JAKMIP2: variants seen among roughly 807,000 people sequenced by gnomAD.
JAKMIP2 encodes the protein janus kinase and microtubule-interacting protein 2.
In JAKMIP2, 25 loss-of-function variants were observed where a neutral mutation model predicts 115.0. The observed-to-expected ratio is 0.22, with a 90% CI of 0.16 to 0.30. The LOEUF (loss-of-function observed/expected upper bound fraction) is 0.30, where lower values mean the gene tolerates loss of function less well. Among genes scored for constraint, JAKMIP2 ranks in the 10% least tolerant of loss-of-function variants. The probability of loss-of-function intolerance (pLI) is 1.00; values close to 1 mark genes in which losing one functional copy is unlikely to be tolerated. For synonymous variants in JAKMIP2, 334 were observed against 343.6 expected, an observed-to-expected ratio of 0.97 and a Z score of 0.31; for missense variants, 642 against 957.6, an observed-to-expected ratio of 0.67 and a Z score of 4.35.
rs142779227 is a variant in JAKMIP2 at position 147,650,914 on chromosome 5, C to T, written c.628-367G>A. ...TATTCCACTCTAATGTTTCCTAGGA[C>T]ATTTTTTGATGTCACTTCTTCTTTG... is the stretch of plus-strand genomic sequence containing the variant. On this transcript the variant is annotated intron_variant, in intron 3 of 21. Coordinates refer to ENST00000616793, the MANE Select transcript of JAKMIP2 (RefSeq NM_001270941.2). 5.7e-3 allele frequency among the ~76,000 whole-genome samples: 867 copies of T among 152,264 alleles called. 2 individuals are homozygous for T. Among genetic ancestry groups the T allele is most frequent in the Middle Eastern group, 0.014 (4 of 294 alleles).
At chr5:147,628,921 T>A in intron 15 of JAKMIP2, 105 bp from the exon 16 acceptor site, 2 of 706,674 alleles carry the variant, frequency 2.8e-6, no homozygotes, top group Non-Finnish European at 4.7e-6. Flanking sequence ...TAAGCCTGTA[T>A]AGAAACTTAA....
At chr5:147,601,958 C>A (rs1423533057) in intron 20 of JAKMIP2, 147 bp from the exon 21 acceptor site, 2 of 474,818 alleles carry the variant, frequency 4.2e-6, no homozygotes, top group East Asian at 3.4e-5. Context: ...AAAATCCACA[C>A]CTTTTATGTA....
chr5:147,619,272 A>G (rs1756736753), intron 18 of JAKMIP2, among the ~76,000 whole-genome samples: 1 of 151,844 alleles, frequency 6.6e-6, no homozygotes, highest in Non-Finnish European at 1.5e-5. Flanking sequence ...TAGTCTCGGG[A>G]CCCACATAAA....
At chr5:147,656,963 C>A (rs1017344199) in intron 3 of JAKMIP2, among the ~76,000 whole-genome samples, 5 of 152,196 alleles carry the variant, frequency 3.3e-5, no homozygotes, top group Admixed American at 3.3e-4. Flanking sequence ...ATATGAAATT[C>A]TGGGTTGAAA....
intron 3 of JAKMIP2, among the ~76,000 whole-genome samples, chr5:147,655,010 G>A (rs1414834893): frequency 6.6e-6 from 1 of 152,162 alleles, no homozygotes; most frequent in Admixed American, 6.5e-5. Flanking sequence ...TACATTTATT[G>A]ATTTGCATAC....
chr5:147,589,439 T>G lies in JAKMIP2; in HGVS notation c.*2268A>C, dbSNP rs1364004297. 2.9e-4 allele frequency: 23 copies of G among 79,212 alleles called. No individual in the cohort carries two copies. Among genetic ancestry groups the G allele is most frequent in the Non-Finnish European group, 5.2e-4 (20 of 38,600 alleles). 4.9% of individuals were successfully genotyped at this position (79,212 alleles called of 1,614,324 possible). ...TCCAGCATGGGCAACAGAGCAAGAC[T>G]CCATCTCAAAAAAAAAAAAAAAAAA... On this transcript the variant is annotated 3_prime_UTR_variant, in exon 22 of 22. Transcript: ENST00000616793.
intron 1 of JAKMIP2, among the ~76,000 whole-genome samples, chr5:147,690,184 C>CACAA (rs983645269): frequency 2.2e-4 from 34 of 151,850 alleles, no homozygotes; most frequent in Middle Eastern, 3.4e-3. Flanking sequence ...ACCCTGTTTC[C>CACAA]ACAAACAAAC....
Position 147,620,899 on chromosome 5 carries a change from T to C in JAKMIP2, c.2065-156A>G, listed in dbSNP as rs1756817756. Among the ~76,000 whole-genome samples, 6 of 150,374 alleles carry C rather than the reference T, an allele frequency of 4.0e-5. No individual in the cohort carries two copies. The South Asian group carries it at 1.2e-3, about 31-fold the overall frequency. On this transcript the variant is annotated intron_variant, in intron 17 of 21. Transcript: ENST00000616793. Reference sequence around the variant, plus strand: ...GTCTGTTAGGGAAATAGTTCAACTCTCATAGTCTCACACAGGAATGTGAAA... The same window carrying C: ...GTCTGTTAGGGAAATAGTTCAACTCCCATAGTCTCACACAGGAATGTGAAA...
rs1386462359 is a variant in JAKMIP2, at chr5:147,733,955, A to T, written c.-149+48501T>A. Reference sequence around the variant, plus strand: ...TGCAGGTGTCTTTATAGTAAGAATGATTTATAATCCTTTGGGTATATACTC... The same window carrying T: ...TGCAGGTGTCTTTATAGTAAGAATGTTTTATAATCCTTTGGGTATATACTC... On this transcript the variant is annotated intron_variant, in intron 1 of 21. Coordinates refer to ENST00000616793, the MANE Select transcript of JAKMIP2 (RefSeq NM_001270941.2). 2.0e-5 allele frequency among the ~76,000 whole-genome samples: 3 copies of T among 152,140 alleles called. No individual in the cohort carries two copies. The East Asian group carries it at 5.8e-4, about 29-fold the overall frequency.
At chr5:147,596,249 T>C (rs1284808956) in intron 21 of JAKMIP2, among the ~76,000 whole-genome samples, 1 of 152,018 alleles carries the variant, frequency 6.6e-6, no homozygotes, top group African/African-American at 2.4e-5. Flanking sequence ...AGGAACTTGA[T>C]CCTAACACAG....
At chr5:147,615,240 A>G (rs1756510534) in intron 19 of JAKMIP2, among the ~76,000 whole-genome samples, 1 of 152,174 alleles carries the variant, frequency 6.6e-6, no homozygotes, top group African/African-American at 2.4e-5. Flanking sequence ...CTTGAGCAGT[A>G]TGTGGTTCAT....
At chr5:147,615,472 G>A (rs1048788178) in intron 19 of JAKMIP2, among the ~76,000 whole-genome samples, 3 of 152,056 alleles carry the variant, frequency 2.0e-5, no homozygotes, top group Non-Finnish European at 4.4e-5. Context: ...GTCAAATCTG[G>A]TTTTGGAGGG....
In JAKMIP2 at chr5:147,590,926, C is replaced by G. The variant is rs996183069; in HGVS notation, c.*781G>C. The G allele has an allele frequency of 4.6e-5, 7 of 152,366 alleles. No homozygotes were observed. Among genetic ancestry groups the G allele is most frequent in the African/African-American group, 1.7e-4 (7 of 41,434 alleles). 9.4% of individuals were successfully genotyped at this position (152,366 alleles called of 1,614,324 possible). A position where few individuals can be genotyped will look rare whatever the true frequency, so the allele number is the denominator to read the frequency against. ...GAATCTGCTTTTATTTCACATGTCA[C>G]ATTCGCTCGGGTCCTTTGACTTCGT... On this transcript the variant is annotated 3_prime_UTR_variant, in exon 22 of 22. Coordinates refer to ENST00000616793, the MANE Select transcript of JAKMIP2 (RefSeq NM_001270941.2).
At chr5:147,695,542 C>A (rs934946900) in intron 1 of JAKMIP2, among the ~76,000 whole-genome samples, 1 of 152,170 alleles carries the variant, frequency 6.6e-6, no homozygotes, top group Non-Finnish European at 1.5e-5. Flanking sequence ...GCATCCCTAG[C>A]ATGGGCATCA....
Position 147,596,159 on chromosome 5 carries a change from T to C in JAKMIP2, c.*21-4473A>G, listed in dbSNP as rs111799836. On this transcript the variant is annotated intron_variant, in intron 21 of 21. Transcript: ENST00000616793. ...AGAGATTGCCCGTGTGGTTAGACCA[T>C]GCAGGGCTTTGTTGGCCAAGTTAAA... 3.0e-4 allele frequency among the ~76,000 whole-genome samples: 46 copies of C among 152,044 alleles called. 1 individual carries two copies. The highest frequency in any genetic ancestry group is 5.5e-4 in the African/African-American group (23 of 41,470).
intron 15 of JAKMIP2, 105 bp downstream of exon 15, chr5:147,629,587 GA>G (rs974328629): frequency 8.1e-6 from 6 of 739,708 alleles, no homozygotes; most frequent in African/African-American, 7.0e-5. Context: ...ATCCTTAAGT[GA>G]AATGGCATCT....
At position 147,782,493 on chromosome 5, in the gene JAKMIP2, A is replaced by G; in HGVS notation, c.-186T>C. 1 of 1,535,486 alleles carries G rather than the reference A, an allele frequency of 6.5e-7. No individual in the cohort carries two copies. ...CGGAGAAGCTGTTTAAAGGAGGGAGAGATGCAAACTGAATCCATTTTCCTT... is the reference window on the plus strand; with the variant it reads ...CGGAGAAGCTGTTTAAAGGAGGGAGGGATGCAAACTGAATCCATTTTCCTT... On this transcript the variant is annotated 5_prime_UTR_variant, in exon 1 of 22. Coordinates refer to ENST00000616793, the MANE Select transcript of JAKMIP2 (RefSeq NM_001270941.2).
chr5:147,702,607 A>AGAAAGAAG (rs1561547381), intron 1 of JAKMIP2, among the ~76,000 whole-genome samples: 2 of 16,762 alleles, frequency 1.2e-4, no homozygotes, highest in African/African-American at 3.1e-4. Context: ...AAAGAAGGAA[A>AGAAAGAAG]GAAAGAAAGA....
chr5:147,617,775 T>C, intron 19 of JAKMIP2, 136 bp downstream of exon 19: 1 of 654,674 alleles, frequency 1.5e-6, no homozygotes, highest in South Asian at 1.9e-5. Flanking sequence ...TAGAAAACAA[T>C]GGTTATTTAT....
Sources: gnomAD v4.1 joint callset for allele counts (sites outside exome capture counted in the v4.1 genomes callset) on GRCh38, gnomAD v4.1.1 for gene constraint, MANE v1.5 for transcripts, NCBI Gene and HGNC (gene_info 2026-07-23, HGNC 2026-07-21) for gene names.